ARMC2: variants seen among roughly 807,000 people sequenced by gnomAD.
ARMC2 encodes armadillo repeat containing 2, also known as armadillo repeat-containing protein 2.
A neutral mutation model predicts 90.3 loss-of-function variants in ARMC2; 67 were observed. The observed-to-expected ratio is 0.74, with a 90% CI of 0.61 to 0.91. The LOEUF (loss-of-function observed/expected upper bound fraction) is 0.91. ARMC2 is among the 40% of genes least tolerant of loss of function. The probability of loss-of-function intolerance (pLI) is 0.00; values close to 1 mark genes in which losing one functional copy is unlikely to be tolerated. For synonymous variants in ARMC2, 393 were observed against 393.0 expected (o/e 1.00, Z 0.00); for missense variants, 920 against 1,030.9 (o/e 0.89, Z 1.47).
intron 12 of ARMC2, among the ~76,000 whole-genome samples, chr6:108,946,707 C>T (rs1583189754): frequency 6.6e-6 from 1 of 152,166 alleles, no homozygotes; most frequent in African/African-American, 2.4e-5. Flanking sequence ...TATTTACATC[C>T]CCTTCCATTT....
the ARMC2 span, chr6:109,008,908 A>C: frequency 1.0e-6 from 1 of 987,236 alleles, no homozygotes; most frequent in South Asian, 4.7e-5. Flanking sequence ...TTTAAGTAGG[A>C]GGCAAAGGGG....
In ARMC2 at chr6:108,904,314, A is replaced by C. The variant is rs1039764529; in HGVS notation, c.932A>C (p.Lys311Thr). ...GGAAACATGCTTGGAAATAAATTTA[A>C]GGGAAGAAGTATTCTCCTGAAGACC... Reference protein sequence around the residue: ...EEGNMLGNKFKGRSILLKTLC... With the variant: ...EEGNMLGNKFTGRSILLKTLC... Residue 311 changes from lysine to threonine, a missense_variant, in exon 8 of 18, where the codon AAG becomes ACG. Coordinates refer to ENST00000392644, the MANE Select transcript of ARMC2 (RefSeq NM_032131.6). 6.2e-7 allele frequency: 1 copy of C among 1,613,976 alleles called. No homozygotes were observed. The highest frequency in any genetic ancestry group is 1.3e-5 in the African/African-American group (1 of 75,068).
the ARMC2 span, chr6:108,988,445 A>G: frequency 9.4e-7 from 1 of 1,068,110 alleles, no homozygotes; most frequent in Non-Finnish European, 1.3e-6. Context: ...TTGGGTTGGT[A>G]GGGGTGATGG....
the ARMC2 span, among the ~76,000 whole-genome samples, chr6:109,006,819 T>C: frequency 1.2e-3 from 190 of 152,192 alleles, 1 homozygote; most frequent in Non-Finnish European, 2.9e-5. Context: ...GGGTGTTCAA[T>C]GGGGTGATCA....
At chr6:108,968,116 A>G (rs1454584206) in intron 17 of ARMC2, among the ~76,000 whole-genome samples, 1 of 152,236 alleles carries the variant, frequency 6.6e-6, no homozygotes, top group African/African-American at 2.4e-5. Context: ...TCATACAAAG[A>G]AGGTACTTGA....
chr6:108,959,787 G>A (rs1777858637), intron 13 of ARMC2, among the ~76,000 whole-genome samples: 1 of 152,104 alleles, frequency 6.6e-6, no homozygotes. Flanking sequence ...CCGGGTTCAA[G>A]CAATTCTTCT....
the ARMC2 span, among the ~76,000 whole-genome samples, chr6:109,019,314 T>A: frequency 6.6e-6 from 1 of 152,174 alleles, no homozygotes. Flanking sequence ...AAGACTTGGG[T>A]CAGGCTTTAA....
chr6:108,946,029 C>T (rs1360629020), intron 12 of ARMC2, among the ~76,000 whole-genome samples: 6 of 152,258 alleles, frequency 3.9e-5, no homozygotes, highest in Non-Finnish European at 7.3e-5. Context: ...TTTGGCTGAG[C>T]TTGCTCCTTT....
At position 108,915,849 on chromosome 6, in the gene ARMC2, A is replaced by G. The variant is rs558945369; in HGVS notation, c.1350+3291A>G. ...GGACGAGATGAGATCAGAGCGGCAG[A>G]AAGATGAATGTGCACAAAATGTTAA... On this transcript the variant is annotated intron_variant, in intron 10 of 17. Coordinates refer to ENST00000392644, the MANE Select transcript of ARMC2 (RefSeq NM_032131.6). 2.0e-5 allele frequency among the ~76,000 whole-genome samples: 3 copies of G among 152,324 alleles called. No homozygotes were observed. In the South Asian group the frequency reaches 6.2e-4, roughly 32 times the overall value.
In ARMC2 at chr6:108,890,189, C is replaced by CAAAAAAAAAAAAAAAA. The variant is rs869186045; in HGVS notation, c.672-4253_672-4238dup. ...TGGGTGACAGAGCGAGACTCCGTCT[C>CAAAAAAAAAAAAAAAA]AAAAAAAAAAAAAAAAAAAAAAAAA... On this transcript the variant is annotated intron_variant, in intron 5 of 17. Transcript: ENST00000392644. Among the ~76,000 whole-genome samples, 9 of 64,250 alleles carry CAAAAAAAAAAAAAAAA rather than the reference C, an allele frequency of 1.4e-4. 1 individual carries two copies. The highest frequency in any genetic ancestry group is 2.1e-4 in the Non-Finnish European group (8 of 39,002). The allele number at this position is 64,250 out of a possible 152,430, so 42.2% of individuals were successfully genotyped here. A position where few individuals can be genotyped will look rare whatever the true frequency, so the allele number is the denominator to read the frequency against.
the ARMC2 span, chr6:109,001,471 A>C: frequency 7.7e-5 from 124 of 1,613,136 alleles, no homozygotes; most frequent in Non-Finnish European, 1.1e-4. Context: ...GTGCGTCTTC[A>C]CTCCCCACTT....
intron 4 of ARMC2, 74 bp downstream of exon 4, chr6:108,869,069 A>T (rs1337342396): frequency 1.4e-6 from 2 of 1,435,486 alleles, no homozygotes; most frequent in African/African-American, 2.9e-5. Context: ...AGCTAATTTT[A>T]TATGATTTTT....
intron 5 of ARMC2, among the ~76,000 whole-genome samples, chr6:108,890,866 G>A (rs746190344): frequency 6.6e-5 from 10 of 152,130 alleles, no homozygotes; most frequent in South Asian, 6.2e-4. Context: ...TCAGCCCATC[G>A]TCTACATTAG....
the ARMC2 span, among the ~76,000 whole-genome samples, chr6:108,989,642 TAAATA>T: frequency 6.6e-6 from 1 of 151,724 alleles, no homozygotes; most frequent in Non-Finnish European, 1.5e-5. Context: ...CTTGTATAAA[TAAATA>T]AAATAAAAAT....
At chr6:108,985,228 C>G in the ARMC2 span, among the ~76,000 whole-genome samples, 19 of 152,170 alleles carry the variant, frequency 1.2e-4, no homozygotes, top group African/African-American at 4.3e-4. Context: ...AAATCAATCT[C>G]ATTCTTAGAG....
rs916297944 is a variant in ARMC2, at chr6:108,848,447, A to T, written c.-143A>T. On this transcript the variant is annotated 5_prime_UTR_variant, in exon 1 of 18. Coordinates refer to ENST00000392644, the MANE Select transcript of ARMC2 (RefSeq NM_032131.6). ...AGTGGCCGAGCGGCGTCGTGGGGTT[A>T]CCCCGCCCGCGCCAGCGCTGCATCC... The T allele has an allele frequency of 6.6e-6, 1 of 152,258 alleles. No homozygotes were observed. The highest frequency in any genetic ancestry group is 1.5e-5 in the Non-Finnish European group (1 of 68,082). The allele number at this position is 152,258 out of a possible 1,614,324, so 9.4% of individuals were successfully genotyped here. A position where few individuals can be genotyped will look rare whatever the true frequency, so the allele number is the denominator to read the frequency against.
intron 5 of ARMC2, among the ~76,000 whole-genome samples, chr6:108,883,416 T>G (rs1304314768): frequency 6.6e-6 from 1 of 152,232 alleles, no homozygotes; most frequent in African/African-American, 2.4e-5. Flanking sequence ...AGTAATGATT[T>G]TGTTTTCGTA....
the ARMC2 span, chr6:108,988,711 T>TATG: frequency 7.7e-6 from 12 of 1,566,164 alleles, no homozygotes; most frequent in Non-Finnish European, 1.0e-5. Context: ...TAATGAGAAT[T>TATG]ATGATATTTT....
the ARMC2 span, among the ~76,000 whole-genome samples, chr6:109,047,616 G>A: frequency 9.1e-5 from 13 of 142,502 alleles, no homozygotes; most frequent in Non-Finnish European, 1.4e-4. Context: ...CATTGAGAAC[G>A]GGCCAGGATG....
Sources: gnomAD v4.1 joint callset for allele counts (sites outside exome capture counted in the v4.1 genomes callset) on GRCh38, gnomAD v4.1.1 for gene constraint, MANE v1.5 for transcripts, NCBI Gene and HGNC (gene_info 2026-07-23, HGNC 2026-07-21) for gene names.